The following ADAMTS14 variants were observed in gnomAD, a reference collection of about 807,000 sequenced individuals.
The protein encoded by ADAMTS14 is A disintegrin and metalloproteinase with thrombospondin motifs 14.
A neutral mutation model predicts 128.6 loss-of-function variants in ADAMTS14; 100 were observed. That is an observed-to-expected ratio of 0.78 (90% confidence interval 0.66 to 0.92). The LOEUF (loss-of-function observed/expected upper bound fraction) is 0.92. ADAMTS14 is among the 40% of genes least tolerant of loss of function. The pLI is 0.00. For missense variants in ADAMTS14, 1,562 were observed against 1,658.6 expected (o/e 0.94, Z 1.01); for synonymous variants, 665 against 653.8 (o/e 1.02, Z -0.26).
At chr10:70,696,628 T>C (rs1374105767) in intron 2 of ADAMTS14, among the ~76,000 whole-genome samples, 1 of 152,076 alleles carries the variant, frequency 6.6e-6, no homozygotes, top group Non-Finnish European at 1.5e-5. Flanking sequence ...ATTGTGCAAC[T>C]AGACCTAGAT....
At chr10:70,703,206 C>A (rs1052296155) in intron 3 of ADAMTS14, among the ~76,000 whole-genome samples, 1 of 152,196 alleles carries the variant, frequency 6.6e-6, no homozygotes, top group African/African-American at 2.4e-5. Flanking sequence ...CAGGAGGCTA[C>A]ACACCAGAGG....
chr10:70,747,731 T>A (rs1442810688), intron 15 of ADAMTS14, among the ~76,000 whole-genome samples: 1 of 152,068 alleles, frequency 6.6e-6, no homozygotes, highest in Non-Finnish European at 1.5e-5. Context: ...CCCTGAAAGG[T>A]TAGAGTTTTC....
intron 15 of ADAMTS14, among the ~76,000 whole-genome samples, chr10:70,747,955 C>A (rs1035207100): frequency 6.6e-6 from 1 of 151,976 alleles, no homozygotes; most frequent in African/African-American, 2.4e-5. Flanking sequence ...AGGTGGCAGC[C>A]CTGGCGATGA....
In ADAMTS14 at chr10:70,761,695, A is replaced by G. The variant is rs1842617231; in HGVS notation, c.*842A>G. 1 of 152,242 alleles carries G rather than the reference A, an allele frequency of 6.6e-6. No homozygotes were observed. Among genetic ancestry groups the G allele is most frequent in the Non-Finnish European group, 1.5e-5 (1 of 68,052 alleles). The allele number at this position is 152,242 out of a possible 1,614,324, so 9.4% of individuals were successfully genotyped here. ...TGACTCCACCAGGATGGCAACTTCA[A>G]TTATCACTCTCAGCCTGGAAGGGGA... On this transcript the variant is annotated 3_prime_UTR_variant, in exon 22 of 22. Transcript: ENST00000373207.
chr10:70,740,888 T>G (rs1841973725), intron 11 of ADAMTS14, 99 bp from the exon 12 acceptor site: 1 of 1,296,644 alleles, frequency 7.7e-7, no homozygotes, highest in Admixed American at 2.0e-5. Context: ...GTCATGCTAT[T>G]ATGAATGGCT....
intron 1 of ADAMTS14, 45 bp downstream of exon 1, chr10:70,672,929 C>A: frequency 7.1e-7 from 1 of 1,406,140 alleles, no homozygotes; most frequent in Non-Finnish European, 9.2e-7. Context: ...GTCCGGGGTG[C>A]ACGCGGTCAG....
intron 2 of ADAMTS14, among the ~76,000 whole-genome samples, chr10:70,682,603 G>A (rs941167321): frequency 6.6e-6 from 1 of 152,224 alleles, no homozygotes; most frequent in African/African-American, 2.4e-5. Flanking sequence ...TGTGTGTAAA[G>A]GGTTTAGTGC....
At chr10:70,714,227 T>G (rs1840948420) in intron 4 of ADAMTS14, among the ~76,000 whole-genome samples, 1 of 152,102 alleles carries the variant, frequency 6.6e-6, no homozygotes, top group Admixed American at 6.6e-5. Context: ...TTGTAGAAAT[T>G]ATTAGTATTG....
intron 2 of ADAMTS14, among the ~76,000 whole-genome samples, chr10:70,700,344 G>A (rs1482836608): frequency 6.6e-6 from 1 of 152,086 alleles, no homozygotes; most frequent in African/African-American, 2.4e-5. Flanking sequence ...TTTCCTTCCC[G>A]GGTTGGTTTC....
chr10:70,711,462 C>T (rs906179708), intron 4 of ADAMTS14, among the ~76,000 whole-genome samples: 1 of 152,226 alleles, frequency 6.6e-6, no homozygotes, highest in East Asian at 1.9e-4. Flanking sequence ...AGAAATTGTT[C>T]TGAGCTGGCC....
intron 16 of ADAMTS14, among the ~76,000 whole-genome samples, chr10:70,750,386 A>G (rs1842315486): frequency 6.6e-6 from 1 of 152,124 alleles, no homozygotes; most frequent in Admixed American, 6.6e-5. Context: ...CTGATCCAGG[A>G]GCTCCAGCCT....
At chr10:70,709,282 G>A (rs1295809293) in intron 4 of ADAMTS14, among the ~76,000 whole-genome samples, 1 of 152,188 alleles carries the variant, frequency 6.6e-6, no homozygotes, top group African/African-American at 2.4e-5. Flanking sequence ...AGACAGGCAA[G>A]GAAAATCAGG....
intron 9 of ADAMTS14, 40 bp from the exon 10 acceptor site, chr10:70,736,640 A>C: frequency 6.3e-7 from 1 of 1,579,560 alleles, no homozygotes; most frequent in Non-Finnish European, 8.7e-7. Flanking sequence ...TTGGACAAAG[A>C]GCCAGTCCAG....
chr10:70,735,278 A>G lies in ADAMTS14; in HGVS notation c.1462A>G (p.Ser488Gly). The change falls in exon 9 of 22, where the codon AGT (serine) becomes GGT (glycine). Residue 488 changes from serine to glycine, a missense_variant. Transcript: ENST00000373207. ...MDEQCRFDFG[S>G]GYQTCLAFRT... ...TGAGCAGTGCCGCTTTGACTTTGGC[A>G]GTGGCTACCAGACCTGCTTGGCAGT... The G allele has an allele frequency of 9.3e-6, 15 of 1,613,922 alleles. No homozygotes were observed. The highest frequency in any genetic ancestry group is 1.3e-5 in the Non-Finnish European group (15 of 1,179,936).
chr10:70,759,131 C>CACGGAG (rs1365378980), intron 21 of ADAMTS14, among the ~76,000 whole-genome samples: 1 of 121,170 alleles, frequency 8.3e-6, no homozygotes, highest in African/African-American at 3.1e-5. Flanking sequence ...CAATCTTCTA[C>CACGGAG]TTCTCTGCTC....
intron 15 of ADAMTS14, among the ~76,000 whole-genome samples, chr10:70,748,118 T>G (rs941603392): frequency 2.6e-5 from 4 of 152,308 alleles, no homozygotes; most frequent in Admixed American, 2.0e-4. Context: ...GTATGTTTAG[T>G]AAGCCTCATG....
intron 10 of ADAMTS14, among the ~76,000 whole-genome samples, chr10:70,738,074 A>T (rs937594106): frequency 5.1e-5 from 6 of 118,730 alleles, no homozygotes; most frequent in African/African-American, 2.0e-4. Context: ...AAGATCAGGC[A>T]TCTGAAGTTG....
intron 21 of ADAMTS14, 73 bp downstream of exon 21, chr10:70,758,358 T>G: frequency 7.3e-7 from 1 of 1,373,372 alleles, no homozygotes; most frequent in South Asian, 1.4e-5. Context: ...CATGGGCCAC[T>G]CAGTGGAGCA....
intron 2 of ADAMTS14, among the ~76,000 whole-genome samples, chr10:70,700,802 C>T (rs1279915807): frequency 2.0e-5 from 3 of 152,284 alleles, no homozygotes; most frequent in East Asian, 3.9e-4. Context: ...GCTCTTGGGC[C>T]TATTTTTTCC....
Sources: gnomAD v4.1 joint callset for allele counts (sites outside exome capture counted in the v4.1 genomes callset) on GRCh38, gnomAD v4.1.1 for gene constraint, MANE v1.5 for transcripts, NCBI Gene and HGNC (gene_info 2026-07-23, HGNC 2026-07-21) for gene names.